The following SAMMSON variants were observed in gnomAD, a reference collection of about 807,000 sequenced individuals.
SAMMSON encodes the protein long intergenic non-protein coding RNA 1212.
chr3:70,021,412 G>A (rs541343066), intron 3 of SAMMSON, among the ~76,000 whole-genome samples: 1 of 151,976 alleles, frequency 6.6e-6, no homozygotes, highest in Non-Finnish European at 1.5e-5. Flanking sequence ...AGACATTTTA[G>A]TCAATGAAAA....
chr3:70,022,785 T>C (rs554415089), intron 3 of SAMMSON, among the ~76,000 whole-genome samples: 1 of 152,196 alleles, frequency 6.6e-6, no homozygotes, highest in Non-Finnish European at 1.5e-5. Flanking sequence ...AAGATTCAAG[T>C]TTCATTTGGT....
chr3:70,233,045 C>T (rs974810039), intron 4 of SAMMSON, among the ~76,000 whole-genome samples: 4 of 152,184 alleles, frequency 2.6e-5, no homozygotes, highest in South Asian at 2.1e-4. Flanking sequence ...AAAAATTAGC[C>T]GGACATGGTG....
At chr3:70,025,408 A>G (rs1381419532) in intron 3 of SAMMSON, among the ~76,000 whole-genome samples, 1 of 151,938 alleles carries the variant, frequency 6.6e-6, no homozygotes, top group African/African-American at 2.4e-5. Flanking sequence ...CCACACCTGG[A>G]TAAGTTTTGT....
rs118084929 is a variant in SAMMSON at position 70,182,121 on chromosome 3, C to T, written n.508-66986C>T. 2.2e-4 allele frequency among the ~76,000 whole-genome samples: 33 copies of T among 152,192 alleles called. No homozygotes were observed. In the East Asian group the frequency reaches 6.4e-3, roughly 30 times the overall value. ...CCTCATTTTGCCTTCAGAAAGGGGC[C>T]TGGGTAGGAAGCAGGTGTCTAATGG... On this transcript the variant is annotated intron_variant and non_coding_transcript_variant, in intron 4 of 9. Transcript: ENST00000642114.
chr3:70,314,919 C>G (rs531656567), intron 7 of SAMMSON, among the ~76,000 whole-genome samples: 3 of 152,034 alleles, frequency 2.0e-5, no homozygotes, highest in Non-Finnish European at 2.9e-5. Context: ...TCCAACTAAA[C>G]AGTTTTTTAA....
chr3:70,319,080 T>C (rs976881704), intron 7 of SAMMSON, among the ~76,000 whole-genome samples: 1 of 152,080 alleles, frequency 6.6e-6, no homozygotes, highest in Non-Finnish European at 1.5e-5. Flanking sequence ...AGTCTCATCC[T>C]TTGTATGCAC....
intron 2 of SAMMSON, among the ~76,000 whole-genome samples, chr3:70,397,685 T>C (rs1478580354): frequency 6.6e-6 from 1 of 151,986 alleles, no homozygotes; most frequent in African/African-American, 2.4e-5. Context: ...TAGAAAAAAA[T>C]CCTAAAAGTA....
chr3:70,279,358 C>T (rs942705963), intron 6 of SAMMSON, among the ~76,000 whole-genome samples: 2 of 152,030 alleles, frequency 1.3e-5, no homozygotes, highest in Non-Finnish European at 2.9e-5. Flanking sequence ...CAAATCCATT[C>T]GATTCCAATG....
At chr3:70,221,728 A>G (rs1701462193) in intron 4 of SAMMSON, among the ~76,000 whole-genome samples, 1 of 152,144 alleles carries the variant, frequency 6.6e-6, no homozygotes, top group Non-Finnish European at 1.5e-5. Context: ...TAGATCTTGG[A>G]TGATAAGGAA....
chr3:70,380,719 G>A (rs891218919), intron 9 of SAMMSON, among the ~76,000 whole-genome samples: 4 of 150,840 alleles, frequency 2.7e-5, no homozygotes, highest in African/African-American at 9.8e-5. Flanking sequence ...ACAGGCCCCA[G>A]TGTGTGATGT....
intron 7 of SAMMSON, among the ~76,000 whole-genome samples, chr3:70,297,015 C>G (rs745974422): frequency 6.6e-6 from 1 of 151,914 alleles, no homozygotes; most frequent in Non-Finnish European, 1.5e-5. Context: ...ACCACACATA[C>G]GCACATACTA....
chr3:70,153,736 C>G (rs1227525945), intron 4 of SAMMSON, among the ~76,000 whole-genome samples: 1 of 151,906 alleles, frequency 6.6e-6, no homozygotes, highest in Non-Finnish European at 1.5e-5. Context: ...CCGTTTTAAT[C>G]GTACAGTTCT....
chr3:70,368,777 AG>A (rs1355117789), intron 9 of SAMMSON, among the ~76,000 whole-genome samples: 3 of 151,628 alleles, frequency 2.0e-5, no homozygotes, highest in Non-Finnish European at 4.4e-5. Flanking sequence ...GTAGTTTTAT[AG>A]TAAGTTTGAA....
chr3:70,002,659 T>C (rs750109009), intron 1 of SAMMSON, among the ~76,000 whole-genome samples: 1 of 152,228 alleles, frequency 6.6e-6, no homozygotes, highest in Non-Finnish European at 1.5e-5. Context: ...CTCCAAGTAC[T>C]GTATATGGAT....
At chr3:70,088,582 G>T (rs1320071304) in intron 4 of SAMMSON, among the ~76,000 whole-genome samples, 1 of 152,140 alleles carries the variant, frequency 6.6e-6, no homozygotes, top group African/African-American at 2.4e-5. Flanking sequence ...TTAAATTTGG[G>T]ATCTTTTGTA....
chr3:70,421,176 A>G (rs1701308908), intron 2 of SAMMSON, among the ~76,000 whole-genome samples: 1 of 152,130 alleles, frequency 6.6e-6, no homozygotes, highest in Admixed American at 6.5e-5. Flanking sequence ...GGCATTTCTT[A>G]GTATAATATA....
At chr3:70,315,009 C>A (rs1015107449) in intron 7 of SAMMSON, among the ~76,000 whole-genome samples, 1 of 152,144 alleles carries the variant, frequency 6.6e-6, no homozygotes, top group Admixed American at 6.6e-5. Flanking sequence ...TCTTTGATTA[C>A]AGTTATCCTT....
intron 4 of SAMMSON, among the ~76,000 whole-genome samples, chr3:70,173,589 A>T (rs998749891): frequency 6.6e-6 from 1 of 151,862 alleles, no homozygotes; most frequent in Admixed American, 6.6e-5. Context: ...TAAGTAGGAG[A>T]ATTTATATAT....
intron 9 of SAMMSON, among the ~76,000 whole-genome samples, chr3:70,361,284 G>C (rs1277031321): frequency 6.6e-6 from 1 of 152,056 alleles, no homozygotes; most frequent in East Asian, 1.9e-4. Context: ...GGAGTTCTTG[G>C]GTTCTTTTAA....
Sources: gnomAD v4.1 joint callset for allele counts (sites outside exome capture counted in the v4.1 genomes callset) on GRCh38, gnomAD v4.1.1 for gene constraint, MANE v1.5 for transcripts, NCBI Gene and HGNC (gene_info 2026-07-23, HGNC 2026-07-21) for gene names.